Variants in NBEA observed in about 807,000 individuals in gnomAD.
NBEA encodes neurobeachin, also known as lysosomal-trafficking regulator 2.
NBEA carries 44 observed loss-of-function variants against 343.4 expected under a neutral mutation model. That is an observed-to-expected ratio of 0.13 (90% CI 0.10 to 0.16). The LOEUF is 0.16. Ranked by LOEUF, NBEA falls within the 10% of genes least tolerant of loss-of-function variation. The pLI is 1.00. For missense variants in NBEA, 2,555 were observed against 3,631.3 expected, an observed-to-expected ratio of 0.70 and a Z score of 7.62; for synonymous variants, 1,175 against 1,238.7, an observed-to-expected ratio of 0.95 and a Z score of 1.08.
chr13:35,347,682 C>T (rs1274260229), intron 36 of NBEA, among the ~76,000 whole-genome samples: 1 of 152,014 alleles, frequency 6.6e-6, no homozygotes, highest in African/African-American at 2.4e-5. Context: ...TCTTCCTCCT[C>T]CTCCTCTTCC....
At chr13:35,295,491 A>C (rs1009016046) in intron 35 of NBEA, among the ~76,000 whole-genome samples, 1 of 152,142 alleles carries the variant, frequency 6.6e-6, no homozygotes, top group Non-Finnish European at 1.5e-5. Context: ...TGGAGTGTCT[A>C]TGTTATATAA....
chr13:35,569,996 T>C (rs2080321442), intron 45 of NBEA, among the ~76,000 whole-genome samples: 1 of 152,152 alleles, frequency 6.6e-6, no homozygotes, highest in Non-Finnish European at 1.5e-5. Context: ...ACTGAAGATA[T>C]AAACATTTCA....
chr13:35,017,139 A>T (rs2061686293), intron 1 of NBEA, among the ~76,000 whole-genome samples: 1 of 152,166 alleles, frequency 6.6e-6, no homozygotes, highest in African/African-American at 2.4e-5. Flanking sequence ...AAGGCAAAAA[A>T]GTGGTGATCT....
intron 16 of NBEA, 117 bp downstream of exon 16, chr13:35,118,591 G>A: frequency 1.4e-6 from 1 of 736,248 alleles, no homozygotes; most frequent in Non-Finnish European, 2.2e-6. Flanking sequence ...GCACATAAGA[G>A]AATAAATGGA....
chr13:35,410,826 A>G (rs117590809), intron 38 of NBEA, among the ~76,000 whole-genome samples: 4,544 of 152,192 alleles, frequency 0.03, 97 homozygotes, highest in Non-Finnish European at 0.045. Context: ...TCCCATAGAA[A>G]CTCTGAAAAT....
chr13:35,573,310 A>G lies in NBEA; in HGVS notation c.7035+6293A>G, dbSNP rs534340061. On this transcript the variant is annotated intron_variant, in intron 45 of 58. Transcript: ENST00000379939. ...CAACCTACTCTGTGCCAGACACTGG[A>G]GATACAAAGGCAATAAGACTTAGTT... 2.6e-5 allele frequency among the ~76,000 whole-genome samples: 4 copies of G among 152,332 alleles called. No homozygotes were observed. In the East Asian group the frequency reaches 7.7e-4, roughly 29 times the overall value.
At chr13:35,547,666 T>A (rs1566301782) in intron 41 of NBEA, among the ~76,000 whole-genome samples, 1 of 152,072 alleles carries the variant, frequency 6.6e-6, no homozygotes, top group Non-Finnish European at 1.5e-5. Flanking sequence ...GTCAGGTGGA[T>A]CATTTGAGAT....
intron 1 of NBEA, among the ~76,000 whole-genome samples, chr13:34,948,946 T>TA (rs2059269664): frequency 6.6e-6 from 1 of 152,266 alleles, no homozygotes; most frequent in Non-Finnish European, 1.5e-5. Context: ...CCATCCAAGA[T>TA]AGCAGAGAAT....
At position 35,177,043 on chromosome 13, in the gene NBEA, G is replaced by C. The variant is rs371251683; in HGVS notation, c.4602G>C (p.Pro1534=). ...GTAACCTTTCTCCTATTAAGGATCCGGATAGACTTCTTCAGGATGTTGATA... is the reference window on the plus strand; with the variant it reads ...GTAACCTTTCTCCTATTAAGGATCCCGATAGACTTCTTCAGGATGTTGATA... ...VPGNLSPIKD[P]DRLLQDVDIN... The change falls in exon 28 of 59, where the codon CCG becomes CCC. Residue 1534 remains proline, a synonymous_variant. Transcript: ENST00000379939. The C allele has an allele frequency of 1.9e-6, 3 of 1,605,606 alleles. No individual in the cohort carries two copies. In the Admixed American group the frequency reaches 5.1e-5, roughly 27 times the overall value.
At chr13:35,458,002 C>T (rs749543767) in intron 40 of NBEA, among the ~76,000 whole-genome samples, 4 of 152,208 alleles carry the variant, frequency 2.6e-5, no homozygotes, top group African/African-American at 4.8e-5. Context: ...GTTGTTTCCA[C>T]CTTTTCACTA....
intron 6 of NBEA, among the ~76,000 whole-genome samples, chr13:35,054,069 C>A (rs1270631610): frequency 2.0e-5 from 3 of 151,750 alleles, no homozygotes; most frequent in South Asian, 4.2e-4. Context: ...GTAAGTACAC[C>A]AATAAGTATA....
chr13:35,199,713 C>T (rs2072881638), intron 31 of NBEA, among the ~76,000 whole-genome samples: 1 of 152,038 alleles, frequency 6.6e-6, no homozygotes, highest in African/African-American at 2.4e-5. Flanking sequence ...TAGGATGGAG[C>T]ATTGGTGAAT....
intron 8 of NBEA, among the ~76,000 whole-genome samples, chr13:35,061,674 G>T (rs1459763136): frequency 1.3e-5 from 2 of 151,622 alleles, no homozygotes; most frequent in African/African-American, 2.4e-5. Context: ...TCATAATAAA[G>T]TTCTAACTGA....
intron 41 of NBEA, among the ~76,000 whole-genome samples, chr13:35,477,932 G>A (rs1157863668): frequency 1.3e-5 from 2 of 152,046 alleles, no homozygotes; most frequent in Admixed American, 6.5e-5. Context: ...CAAAGTACAG[G>A]AAACTAAAGA....
intron 1 of NBEA, among the ~76,000 whole-genome samples, chr13:35,038,926 A>T (rs2062547730): frequency 6.6e-6 from 1 of 152,144 alleles, no homozygotes; most frequent in South Asian, 2.1e-4. Context: ...CTAGTTCAGC[A>T]CTAGGACTTA....
chr13:35,367,147 AATT>A (rs1158851027), intron 38 of NBEA, among the ~76,000 whole-genome samples: 1 of 151,236 alleles, frequency 6.6e-6, no homozygotes, highest in Admixed American at 6.6e-5. Context: ...ATTATTATAG[AATT>A]ATTATTATAG....
chr13:35,291,238 T>C (rs1019598724), intron 35 of NBEA, among the ~76,000 whole-genome samples: 2 of 151,870 alleles, frequency 1.3e-5, no homozygotes, highest in African/African-American at 4.8e-5. Context: ...ATTCGTAGTT[T>C]CCTCAGTAGA....
At chr13:35,070,648 A>G in intron 9 of NBEA, 71 bp from the exon 10 acceptor site, 1 of 1,339,528 alleles carries the variant, frequency 7.5e-7, no homozygotes. Context: ...TTATAAAGGT[A>G]TTTGGAACAA....
At chr13:35,599,116 T>C (rs2081936682) in intron 47 of NBEA, among the ~76,000 whole-genome samples, 1 of 152,114 alleles carries the variant, frequency 6.6e-6, no homozygotes, top group African/African-American at 2.4e-5. Flanking sequence ...CCACCACTAC[T>C]TAAGAGGGAC....
Sources: gnomAD v4.1 joint callset for allele counts (sites outside exome capture counted in the v4.1 genomes callset) on GRCh38, gnomAD v4.1.1 for gene constraint, MANE v1.5 for transcripts, NCBI Gene and HGNC (gene_info 2026-07-23, HGNC 2026-07-21) for gene names.